RASGEF1C: variants seen among roughly 807,000 people sequenced by gnomAD.
RASGEF1C encodes ras-GEF domain-containing family member 1C.
In RASGEF1C, 27 loss-of-function variants were observed where a neutral mutation model predicts 58.1. The ratio of observed to expected loss-of-function variants is 0.46; its 90% CI spans 0.34 to 0.64. RASGEF1C has a LOEUF of 0.64. Ranked by LOEUF, RASGEF1C falls within the 30% of genes least tolerant of loss-of-function variation. RASGEF1C has a pLI of 0.01. For synonymous variants in RASGEF1C, 243 were observed against 246.3 expected, an observed-to-expected ratio of 0.99 and a Z score of 0.13; for missense variants, 502 against 605.1, an observed-to-expected ratio of 0.83 and a Z score of 1.79.
At chr5:180,136,950 T>G (rs1352522689) in intron 3 of RASGEF1C, among the ~76,000 whole-genome samples, 3 of 152,012 alleles carry the variant, frequency 2.0e-5, no homozygotes, top group Non-Finnish European at 4.4e-5. Context: ...AGAAAAGGAA[T>G]TGAGGCTTCC....
Position 180,101,324 on chromosome 5 carries a change from A to C in RASGEF1C, c.*177T>G. 1 of 667,190 alleles carries C rather than the reference A, an allele frequency of 1.5e-6. No homozygotes were observed. Among genetic ancestry groups the C allele is most frequent in the Non-Finnish European group, 2.5e-6 (1 of 406,134 alleles). 41.3% of individuals were successfully genotyped at this position (667,190 alleles called of 1,614,324 possible). A position where few individuals can be genotyped will look rare whatever the true frequency, so the allele number is the denominator to read the frequency against. On this transcript the variant is annotated 3_prime_UTR_variant, in exon 14 of 14. Transcript: ENST00000361132. ...CCTGCCAGGGCCAAAGTCCCATAAA[A>C]GGTCTCCTGTGCCCGTATGGCCACT...
rs377584272 is a variant in RASGEF1C, at chr5:180,193,213, A to G, written c.-7+15815T>C. On this transcript the variant is annotated intron_variant, in intron 1 of 13. Coordinates refer to ENST00000361132, the MANE Select transcript of RASGEF1C (RefSeq NM_175062.4). ...TGGGACTACAGGTGCCCGCCACCGC[A>G]CCCGGCTAATTTCTTGTATTTTTAG... 1.6e-3 allele frequency among the ~76,000 whole-genome samples: 165 copies of G among 101,518 alleles called. 1 individual carries two copies. The highest frequency in any genetic ancestry group is 4.6e-3 in the African/African-American group (148 of 32,020). 66.6% of individuals were successfully genotyped at this position (101,518 alleles called of 152,430 possible). A position where few individuals can be genotyped will look rare whatever the true frequency, so the allele number is the denominator to read the frequency against.
chr5:180,200,339 C>T (rs374563716), intron 1 of RASGEF1C, among the ~76,000 whole-genome samples: 8,794 of 81,966 alleles, frequency 0.11, 603 homozygotes, highest in Non-Finnish European at 0.16. Flanking sequence ...AGATAGAGTC[C>T]TGCTCTGTCG....
At chr5:180,134,780 C>T (rs1274785120) in intron 4 of RASGEF1C, among the ~76,000 whole-genome samples, 1 of 149,168 alleles carries the variant, frequency 6.7e-6, no homozygotes, top group Non-Finnish European at 1.5e-5. Context: ...ACAGTGACCC[C>T]CAACCCCCCA....
intron 12 of RASGEF1C, among the ~76,000 whole-genome samples, chr5:180,102,804 G>A (rs1303281356): frequency 5.9e-5 from 9 of 152,086 alleles, no homozygotes; most frequent in Admixed American, 1.3e-4. Context: ...CGACCATAGC[G>A]CTATCATATC....
chr5:180,169,894 T>C (rs895383133), intron 1 of RASGEF1C, among the ~76,000 whole-genome samples: 2 of 151,594 alleles, frequency 1.3e-5, no homozygotes, highest in African/African-American at 4.8e-5. Context: ...GCGTGTTTGC[T>C]GTCCTCCCCC....
chr5:180,146,093 C>T (rs1766657093), intron 1 of RASGEF1C, among the ~76,000 whole-genome samples: 1 of 152,116 alleles, frequency 6.6e-6, no homozygotes, highest in African/African-American at 2.4e-5. Context: ...TTGCCTGTGT[C>T]TTTGGTATCA....
chr5:180,186,097 C>A (rs1756030644), intron 1 of RASGEF1C, among the ~76,000 whole-genome samples: 1 of 102,398 alleles, frequency 9.8e-6, no homozygotes. Flanking sequence ...GCCCTATCTC[C>A]ACAGAAAAAA....
chr5:180,117,194 G>GAC (rs1190915186), intron 10 of RASGEF1C, among the ~76,000 whole-genome samples: 2 of 152,220 alleles, frequency 1.3e-5, no homozygotes, highest in African/African-American at 4.8e-5. Flanking sequence ...CCCTGCCTGG[G>GAC]ACCCAGAGTC....
intron 11 of RASGEF1C, among the ~76,000 whole-genome samples, chr5:180,113,928 G>A (rs1291649762): frequency 6.6e-6 from 1 of 152,136 alleles, no homozygotes; most frequent in Non-Finnish European, 1.5e-5. Context: ...GGCCTGACAG[G>A]TGGGCTCTCT....
Position 180,137,891 on chromosome 5 carries a change from G to A in RASGEF1C, c.162C>T (p.Ala54=), listed in dbSNP as rs1766511759. ...ETLIQHLVPT[A]DYYPEKAYIF... Reference sequence around the variant, plus strand: ...GATCACCCACCTCGGGGTAGTAGTCGGCTGTGGGCACCAGGTGCTGGATCA... The same window carrying A: ...GATCACCCACCTCGGGGTAGTAGTCAGCTGTGGGCACCAGGTGCTGGATCA... Residue 54 remains alanine, a synonymous_variant, in exon 2 of 14, where the codon GCC becomes GCT. Coordinates refer to ENST00000361132, the MANE Select transcript of RASGEF1C (RefSeq NM_175062.4). The surrounding 1 kb of genome is among the most constrained non-coding windows in gnomAD (Gnocchi z 4.1). 1 of 1,612,754 alleles carries A rather than the reference G, an allele frequency of 6.2e-7. No individual in the cohort carries two copies.
chr5:180,134,022 C>T (rs1255192263), intron 4 of RASGEF1C, among the ~76,000 whole-genome samples: 1 of 152,166 alleles, frequency 6.6e-6, no homozygotes, highest in Non-Finnish European at 1.5e-5. Flanking sequence ...TGAGGTCACG[C>T]AGCTGTGGTT....
intron 6 of RASGEF1C, among the ~76,000 whole-genome samples, chr5:180,123,436 G>T (rs1270614508): frequency 6.6e-6 from 1 of 152,096 alleles, no homozygotes; most frequent in East Asian, 1.9e-4. Flanking sequence ...TTGAGAATAC[G>T]CATTCTTTTC....
chr5:180,102,862 A>G lies in RASGEF1C; in HGVS notation c.1304-719T>C, dbSNP rs372622320. Among the ~76,000 whole-genome samples the G allele has an allele frequency of 5.3e-5, 8 of 152,266 alleles. No individual in the cohort carries two copies. The East Asian group carries it at 1.5e-3, about 29-fold the overall frequency. ...ATTCCTCCCACGAATCCTTTTCAAG[A>G]TTGTTTTAGCAATTCTAGTTCCTTT... On this transcript the variant is annotated intron_variant, in intron 12 of 13. Coordinates refer to ENST00000361132, the MANE Select transcript of RASGEF1C (RefSeq NM_175062.4).
chr5:180,200,560 A>G (rs55934730), intron 1 of RASGEF1C, among the ~76,000 whole-genome samples: 21,306 of 151,560 alleles, frequency 0.14, 2,005 homozygotes, highest in Non-Finnish European at 0.21. Context: ...TGATCCGCCC[A>G]CCTCGGCTTC....
intron 1 of RASGEF1C, among the ~76,000 whole-genome samples, chr5:180,138,648 CTT>C (rs1301191819): frequency 6.6e-6 from 1 of 152,200 alleles, no homozygotes; most frequent in East Asian, 1.9e-4. Context: ...ACATGTGCCT[CTT>C]TAAGTTGGGG....
intron 1 of RASGEF1C, among the ~76,000 whole-genome samples, chr5:180,200,333 A>ACG (rs1756364578): frequency 4.3e-5 from 1 of 23,284 alleles, no homozygotes; most frequent in Non-Finnish European, 6.9e-5. Context: ...TTTTTGAGAT[A>ACG]GAGTCCTGCT....
intron 1 of RASGEF1C, among the ~76,000 whole-genome samples, chr5:180,189,138 T>G (rs1204559207): frequency 6.6e-6 from 1 of 152,244 alleles, no homozygotes; most frequent in East Asian, 1.9e-4. Flanking sequence ...CAATTGTATT[T>G]CTACCTATCA....
chr5:180,176,620 A>T (rs1273806597), intron 1 of RASGEF1C, among the ~76,000 whole-genome samples: 2 of 150,260 alleles, frequency 1.3e-5, no homozygotes, highest in South Asian at 2.1e-4. Flanking sequence ...GCAGTGGCGC[A>T]ATCTCGGCTC....
Sources: allele counts gnomAD v4.1 joint callset (sites outside exome capture counted in the v4.1 genomes callset), GRCh38; gene constraint gnomAD v4.1.1; non-coding constraint Gnocchi (gnomAD v3.1); transcripts MANE v1.5; gene names NCBI Gene and HGNC (gene_info 2026-07-23, HGNC 2026-07-21).